The following SENP7 variants were observed in gnomAD, a reference collection of about 807,000 sequenced individuals.
SENP7 encodes the protein SUMO specific peptidase 7.
SENP7 carries 64 observed loss-of-function variants against 141.2 expected under a neutral mutation model. That is an observed-to-expected ratio of 0.45 (90% CI 0.37 to 0.56). SENP7 has a LOEUF of 0.56. SENP7 is among the 20% of genes least tolerant of loss of function. SENP7 has a pLI of 0.00. For missense variants in SENP7, 1,025 were observed against 1,212.2 expected, an observed-to-expected ratio of 0.85 and a Z score of 2.29; for synonymous variants, 382 against 426.4, an observed-to-expected ratio of 0.90 and a Z score of 1.28.
At chr3:101,457,031 A>G (rs1348129899) in intron 4 of SENP7, among the ~76,000 whole-genome samples, 1 of 152,128 alleles carries the variant, frequency 6.6e-6, no homozygotes, top group East Asian at 1.9e-4. Flanking sequence ...GTTTATTCTC[A>G]GGCTTCTTCG....
At chr3:101,451,525 T>A (rs1379217693) in intron 4 of SENP7, among the ~76,000 whole-genome samples, 1 of 152,240 alleles carries the variant, frequency 6.6e-6, no homozygotes, top group Non-Finnish European at 1.5e-5. Flanking sequence ...CATGATCAAG[T>A]GGGCTTCATC....
Position 101,337,489 on chromosome 3 carries a change from A to C in SENP7, c.2480+20T>G, listed in dbSNP as rs1282651449. 1.4e-6 allele frequency: 2 copies of C among 1,468,476 alleles called. No individual in the cohort carries two copies. Among genetic ancestry groups the C allele is most frequent in the South Asian group, 2.5e-5 (2 of 81,222 alleles). The allele number at this position is 1,468,476 out of a possible 1,614,324, so 91.0% of individuals were successfully genotyped here. On this transcript the variant is annotated intron_variant, in intron 17 of 23. Coordinates refer to ENST00000394095, the MANE Select transcript of SENP7 (RefSeq NM_020654.5). Reference sequence around the variant, plus strand: ...GTACATTTTCTCTTAAAACTTAAGTACATTAGAGGATTAACTTACGAAAGA... The same window carrying C: ...GTACATTTTCTCTTAAAACTTAAGTCCATTAGAGGATTAACTTACGAAAGA...
chr3:101,423,883 G>C (rs563034888), intron 4 of SENP7, among the ~76,000 whole-genome samples: 1 of 152,284 alleles, frequency 6.6e-6, no homozygotes, highest in East Asian at 1.9e-4. Flanking sequence ...CAACCACCAC[G>C]GACACTTCAG....
intron 3 of SENP7, among the ~76,000 whole-genome samples, chr3:101,484,322 G>A (rs935756378): frequency 3.9e-5 from 6 of 152,144 alleles, no homozygotes; most frequent in East Asian, 3.8e-4. Flanking sequence ...CTAAATATAC[G>A]AAGAACTCTT....
chr3:101,432,981 G>T (rs1001525941), intron 4 of SENP7, among the ~76,000 whole-genome samples: 2 of 152,174 alleles, frequency 1.3e-5, no homozygotes, highest in Non-Finnish European at 2.9e-5. Context: ...TGTAACTGTG[G>T]TGTGTAAACT....
Position 101,325,098 on chromosome 3 carries a change from C to A in SENP7, c.*845G>T, listed in dbSNP as rs1299307119. The A allele has an allele frequency of 6.6e-6, 1 of 151,882 alleles. No homozygotes were observed. The highest frequency in any genetic ancestry group is 1.5e-5 in the Non-Finnish European group (1 of 67,934). 9.4% of individuals were successfully genotyped at this position (151,882 alleles called of 1,614,324 possible). A position where few individuals can be genotyped will look rare whatever the true frequency, so the allele number is the denominator to read the frequency against. On this transcript the variant is annotated 3_prime_UTR_variant, in exon 24 of 24. Transcript: ENST00000394095. ...TTTCTTTGTTAAAGTTATGAGGACA[C>A]CAATTTTATCTTCTATATTAGAGAA... is the stretch of plus-strand genomic sequence containing the variant.
intron 23 of SENP7, 38 bp downstream of exon 23, chr3:101,327,628 T>A: frequency 1.3e-6 from 2 of 1,528,714 alleles, no homozygotes; most frequent in Non-Finnish European, 1.8e-6. Flanking sequence ...CGTATGGTGG[T>A]AACTGTGAAT....
intron 11 of SENP7, among the ~76,000 whole-genome samples, chr3:101,352,150 C>T (rs756872341): frequency 1.3e-5 from 2 of 151,970 alleles, no homozygotes; most frequent in Non-Finnish European, 2.9e-5. Context: ...TTAAAATTGT[C>T]AGAAGGCTTG....
chr3:101,420,397 G>A (rs1416672687), intron 4 of SENP7, among the ~76,000 whole-genome samples: 1 of 152,158 alleles, frequency 6.6e-6, no homozygotes, highest in Non-Finnish European at 1.5e-5. Flanking sequence ...AAAGATAAAG[G>A]AACATAGGTT....
rs746034940 is a variant in SENP7, at chr3:101,343,897, T to C, written c.1895A>G (p.Glu632Gly). The C allele has an allele frequency of 9.9e-6, 16 of 1,611,784 alleles. No homozygotes were observed. The highest frequency in any genetic ancestry group is 1.3e-5 in the Non-Finnish European group (15 of 1,178,530). Reference sequence around the variant, plus strand: ...CGTCATAATATCTTTCAGCTTCAATTCTTCTCTTTGTGAAACAGGATTGTG... The same window carrying C: ...CGTCATAATATCTTTCAGCTTCAATCCTTCTCTTTGTGAAACAGGATTGTG... ...ELHNPVSQREELKLKDIMTEI... is the reference protein window; with the variant it reads ...ELHNPVSQREGLKLKDIMTEI... Residue 632 changes from glutamate (E) to glycine (G), a missense_variant, in exon 14 of 24, where the codon GAA (glutamate) becomes GGA (glycine). Coordinates refer to ENST00000394095, the MANE Select transcript of SENP7 (RefSeq NM_020654.5).
chr3:101,494,801 G>A (rs150009542), intron 2 of SENP7, among the ~76,000 whole-genome samples: 4,226 of 151,950 alleles, frequency 0.028, 208 homozygotes, highest in African/African-American at 0.098. Context: ...AATTCAAGAT[G>A]GATTAAAGAC....
chr3:101,335,281 G>A (rs975421908), intron 17 of SENP7, among the ~76,000 whole-genome samples: 1 of 152,134 alleles, frequency 6.6e-6, no homozygotes, highest in Admixed American at 6.5e-5. Context: ...GATCTTTCAG[G>A]ATCTCATAAA....
Position 101,330,044 on chromosome 3 carries a change from CT to C in SENP7, c.2751+289del, listed in dbSNP as rs1473575604. ...TTAATTACCTAAGTTCAAAAAGTTACTGACATAAATAAAAGTGAATCTGATC... is the reference window on the plus strand; with the variant it reads ...TTAATTACCTAAGTTCAAAAAGTTACGACATAAATAAAAGTGAATCTGATC... On this transcript the variant is annotated intron_variant, in intron 20 of 23. Transcript: ENST00000394095. Among the ~76,000 whole-genome samples, 3 of 151,316 alleles carry C rather than the reference CT, an allele frequency of 2.0e-5. 1 individual carries two copies. Among genetic ancestry groups the C allele is most frequent in the Non-Finnish European group, 1.5e-5 (1 of 67,826 alleles).
intron 5 of SENP7, among the ~76,000 whole-genome samples, chr3:101,410,889 A>ATAAAATAAAATAAAATAAAAT (rs61022951): frequency 2.0e-5 from 3 of 151,810 alleles, no homozygotes; most frequent in Non-Finnish European, 2.9e-5. Flanking sequence ...ATAAAATAAA[A>ATAAAATAAAATAAAATAAAAT]GAATTAGATA....
intron 5 of SENP7, among the ~76,000 whole-genome samples, chr3:101,403,114 G>A (rs760427580): frequency 4.6e-5 from 7 of 152,040 alleles, no homozygotes; most frequent in Non-Finnish European, 8.8e-5. Context: ...AAAAGTATAC[G>A]CATATACTTG....
chr3:101,496,899 A>G (rs979010292), intron 2 of SENP7, among the ~76,000 whole-genome samples: 1 of 152,190 alleles, frequency 6.6e-6, no homozygotes, highest in African/African-American at 2.4e-5. Context: ...CTTTAAATTC[A>G]ACACGTATTA....
chr3:101,497,264 A>G (rs2065192690), intron 2 of SENP7, among the ~76,000 whole-genome samples: 1 of 152,218 alleles, frequency 6.6e-6, no homozygotes, highest in South Asian at 2.1e-4. Context: ...GTGTGGGAAA[A>G]TAAATAGACA....
At chr3:101,437,648 A>G (rs2062442394) in intron 4 of SENP7, among the ~76,000 whole-genome samples, 2 of 152,126 alleles carry the variant, frequency 1.3e-5, no homozygotes, top group Non-Finnish European at 2.9e-5. Flanking sequence ...GGATGAGGCT[A>G]CAGTGAGCTA....
At chr3:101,373,403 T>A (rs1042866743) in intron 6 of SENP7, among the ~76,000 whole-genome samples, 2 of 151,960 alleles carry the variant, frequency 1.3e-5, no homozygotes, top group African/African-American at 2.4e-5. Flanking sequence ...TCAAAAAAAA[T>A]TTGTCCTCCC....
Sources: gnomAD v4.1 joint callset for allele counts (sites outside exome capture counted in the v4.1 genomes callset) on GRCh38, gnomAD v4.1.1 for gene constraint, MANE v1.5 for transcripts, NCBI Gene and HGNC (gene_info 2026-07-23, HGNC 2026-07-21) for gene names.